The following DOK6 variants were observed in gnomAD, a reference collection of about 807,000 sequenced individuals.
The protein encoded by DOK6 is docking protein 6.
A neutral mutation model predicts 44.0 loss-of-function variants in DOK6; 22 were observed. The observed-to-expected ratio is 0.50, with a 90% confidence interval of 0.36 to 0.71. The LOEUF is 0.71. DOK6 is among the 30% of genes least tolerant of loss of function. DOK6 has a pLI of 0.00. For synonymous variants in DOK6, 166 were observed against 145.5 expected, an observed-to-expected ratio of 1.14 and a Z score of -1.01; for missense variants, 340 against 416.4, an observed-to-expected ratio of 0.82 and a Z score of 1.60.
intron 3 of DOK6, among the ~76,000 whole-genome samples, chr18:69,617,520 A>G: frequency 7.1e-6 from 1 of 141,836 alleles, no homozygotes; most frequent in African/African-American, 2.6e-5. Flanking sequence ...GAAAGAAAAG[A>G]AAGAAAGGAA....
chr18:69,707,495 A>G (rs903736507), intron 5 of DOK6, among the ~76,000 whole-genome samples: 3 of 152,198 alleles, frequency 2.0e-5, no homozygotes, highest in African/African-American at 7.2e-5. Context: ...CCACTATTTC[A>G]GTGCCCTGTA....
chr18:69,667,511 A>G (rs1985690875), intron 3 of DOK6, among the ~76,000 whole-genome samples: 1 of 152,134 alleles, frequency 6.6e-6, no homozygotes, highest in African/African-American at 2.4e-5. Flanking sequence ...AGGTAACAAA[A>G]ACTTTCTAAC....
chr18:69,404,188 A>G (rs1406121200), intron 1 of DOK6, among the ~76,000 whole-genome samples: 1 of 152,196 alleles, frequency 6.6e-6, no homozygotes, highest in African/African-American at 2.4e-5. Context: ...CTCTTCACAG[A>G]TAAGTGCAAT....
intron 3 of DOK6, among the ~76,000 whole-genome samples, chr18:69,619,111 A>G (rs1984380124): frequency 1.3e-5 from 2 of 152,294 alleles, no homozygotes; most frequent in African/African-American, 4.8e-5. Context: ...AGAGGAGTAG[A>G]CTGGAGAGAA....
intron 1 of DOK6, among the ~76,000 whole-genome samples, chr18:69,426,412 A>G (rs1485267453): frequency 6.6e-6 from 1 of 152,234 alleles, no homozygotes; most frequent in Non-Finnish European, 1.5e-5. Context: ...ACGTAATTAT[A>G]TACGCATTTC....
At chr18:69,527,414 G>A (rs564800112) in intron 1 of DOK6, among the ~76,000 whole-genome samples, 1 of 152,252 alleles carries the variant, frequency 6.6e-6, no homozygotes, top group South Asian at 2.1e-4. Context: ...AGCAGGAGAG[G>A]GAAGTGCCAA....
At chr18:69,504,344 C>T (rs569550800) in intron 1 of DOK6, among the ~76,000 whole-genome samples, 1 of 149,102 alleles carries the variant, frequency 6.7e-6, no homozygotes, top group South Asian at 2.1e-4. Flanking sequence ...GAAGATAACA[C>T]CACAGTTCCT....
intron 1 of DOK6, among the ~76,000 whole-genome samples, chr18:69,527,534 G>T (rs528870716): frequency 6.6e-6 from 1 of 152,286 alleles, no homozygotes; most frequent in African/African-American, 2.4e-5. Flanking sequence ...ACCTCCCACT[G>T]GGTCCCTCCC....
At chr18:69,427,441 CCAGT>C (rs1441619989) in intron 1 of DOK6, among the ~76,000 whole-genome samples, 2 of 152,116 alleles carry the variant, frequency 1.3e-5, no homozygotes, top group Non-Finnish European at 2.9e-5. Flanking sequence ...CCATCTGACA[CCAGT>C]CAAACTGGCT....
At chr18:69,740,998 G>C (rs993407220) in intron 6 of DOK6, among the ~76,000 whole-genome samples, 3 of 152,228 alleles carry the variant, frequency 2.0e-5, no homozygotes, top group African/African-American at 7.2e-5. Flanking sequence ...TGAGAAGCAA[G>C]TCAAAGGAAT....
intron 1 of DOK6, among the ~76,000 whole-genome samples, chr18:69,402,387 G>C (rs1485412337): frequency 6.6e-6 from 1 of 152,164 alleles, no homozygotes; most frequent in African/African-American, 2.4e-5. Context: ...CCAACTTGGA[G>C]AAGGGGAAAA....
At chr18:69,401,379 G>C (rs991527840) in intron 1 of DOK6, 69 bp downstream of exon 1, 3 of 1,362,242 alleles carry the variant, frequency 2.2e-6, no homozygotes, top group African/African-American at 3.1e-5. Flanking sequence ...TGGGGGGGGG[G>C]CAGGGAGAGG....
intron 7 of DOK6, among the ~76,000 whole-genome samples, chr18:69,806,743 A>C (rs1311888176): frequency 6.6e-6 from 1 of 151,994 alleles, no homozygotes; most frequent in Non-Finnish European, 1.5e-5. Flanking sequence ...ACCACTGGGC[A>C]GGTTATAATA....
intron 4 of DOK6, among the ~76,000 whole-genome samples, chr18:69,688,785 G>A (rs1194809276): frequency 1.3e-5 from 2 of 152,058 alleles, no homozygotes; most frequent in Admixed American, 6.6e-5. Context: ...ACCTCCCAAA[G>A]CAAGGACAAT....
chr18:69,401,402 G>A (rs534680590), intron 1 of DOK6, 92 bp downstream of exon 1: 2 of 1,349,334 alleles, frequency 1.5e-6, no homozygotes, highest in South Asian at 1.6e-5. Context: ...ACCCGTGCGG[G>A]TACAGGGCAG....
chr18:69,556,889 G>A (rs967941619), intron 1 of DOK6, among the ~76,000 whole-genome samples: 6 of 152,188 alleles, frequency 3.9e-5, no homozygotes, highest in Non-Finnish European at 8.8e-5. Context: ...CACAAACCAA[G>A]TGTGTCTTTC....
chr18:69,528,764 A>C (rs1413969824), intron 1 of DOK6, among the ~76,000 whole-genome samples: 1 of 152,180 alleles, frequency 6.6e-6, no homozygotes, highest in Non-Finnish European at 1.5e-5. Flanking sequence ...ATGTAATATT[A>C]CTCAACATCT....
chr18:69,655,690 T>C (rs1408090413), intron 3 of DOK6, among the ~76,000 whole-genome samples: 1 of 130,506 alleles, frequency 7.7e-6, no homozygotes, highest in African/African-American at 3.0e-5. Flanking sequence ...GAGGTGGAGG[T>C]GGCAGTGAGC....
chr18:69,478,883 A>G (rs966055116), intron 1 of DOK6, among the ~76,000 whole-genome samples: 1 of 152,208 alleles, frequency 6.6e-6, no homozygotes, highest in Non-Finnish European at 1.5e-5. Flanking sequence ...ACAAAAATGC[A>G]CTGAATAGTT....
Sources: allele counts gnomAD v4.1 joint callset (sites outside exome capture counted in the v4.1 genomes callset), GRCh38; gene constraint gnomAD v4.1.1; transcripts MANE v1.5; gene names NCBI Gene and HGNC (gene_info 2026-07-23, HGNC 2026-07-21).